The following RARB variants were observed in gnomAD, a reference collection of about 807,000 sequenced individuals.
RARB encodes the protein retinoic acid receptor beta, also known as HBV-activated protein.
RARB carries 17 observed loss-of-function variants against 51.9 expected under a neutral mutation model. That is an observed-to-expected ratio of 0.33 (90% CI 0.22 to 0.49). The LOEUF (loss-of-function observed/expected upper bound fraction) is 0.49, where lower values mean the gene tolerates loss of function less well. Ranked by LOEUF, RARB falls within the 20% of genes least tolerant of loss-of-function variation. The probability of loss-of-function intolerance (pLI) is 0.99; values close to 1 mark genes in which losing one functional copy is unlikely to be tolerated. For synonymous variants in RARB, 215 were observed against 195.4 expected, an observed-to-expected ratio of 1.10 and a Z score of -0.84; for missense variants, 369 against 550.8, an observed-to-expected ratio of 0.67 and a Z score of 3.30.
intron 3 of RARB, among the ~76,000 whole-genome samples, chr3:25,082,214 CCAGT>C (rs1699021233): frequency 6.6e-6 from 1 of 151,060 alleles, no homozygotes; most frequent in Non-Finnish European, 1.5e-5. Flanking sequence ...TTTTCTGTAT[CCAGT>C]CAGTTTATTC....
chr3:25,292,774 T>G (rs1403138625), intron 5 of RARB, among the ~76,000 whole-genome samples: 2 of 152,150 alleles, frequency 1.3e-5, no homozygotes, highest in Non-Finnish European at 2.9e-5. Context: ...GGTTTCAAAA[T>G]GGGCATGTTT....
At chr3:24,866,821 G>A (rs1366694519) in intron 2 of RARB, among the ~76,000 whole-genome samples, 1 of 152,160 alleles carries the variant, frequency 6.6e-6, no homozygotes, top group African/African-American at 2.4e-5. Flanking sequence ...GGAGAGCAGG[G>A]TTTTATTATT....
intron 5 of RARB, among the ~76,000 whole-genome samples, chr3:25,210,444 G>GT (rs1701663978): frequency 6.7e-6 from 1 of 149,344 alleles, no homozygotes; most frequent in African/African-American, 2.5e-5. Context: ...TCACTTATGT[G>GT]TTATATATGG....
At chr3:25,450,695 A>G (rs867646924) in intron 1 of RARB, among the ~76,000 whole-genome samples, 1 of 152,094 alleles carries the variant, frequency 6.6e-6, no homozygotes, top group Non-Finnish European at 1.5e-5. Flanking sequence ...CCTGGCCTCT[A>G]CCTACTAGAT....
chr3:25,471,741 G>C (rs1396149739), intron 2 of RARB, among the ~76,000 whole-genome samples: 1 of 151,962 alleles, frequency 6.6e-6, no homozygotes, highest in African/African-American at 2.4e-5. Context: ...AAAATATCTA[G>C]AACACTTTCA....
intron 5 of RARB, among the ~76,000 whole-genome samples, chr3:25,364,717 A>G (rs1383735079): frequency 6.6e-6 from 1 of 152,240 alleles, no homozygotes; most frequent in Non-Finnish European, 1.5e-5. Context: ...GCAATAGAAA[A>G]CATGAGGAAC....
intron 5 of RARB, chr3:25,259,814 C>T: frequency 2.8e-6 from 2 of 703,390 alleles, no homozygotes; most frequent in Non-Finnish European, 1.7e-6. Context: ...TCATCTTCTT[C>T]CTCAGTAAAG....
At chr3:25,260,379 C>G (rs1416364493) in intron 5 of RARB, among the ~76,000 whole-genome samples, 2 of 152,052 alleles carry the variant, frequency 1.3e-5, no homozygotes, top group Non-Finnish European at 2.9e-5. Context: ...TTGTGTTAGC[C>G]TACCATGCAT....
intron 2 of RARB, among the ~76,000 whole-genome samples, chr3:24,916,933 G>A (rs1348858584): frequency 6.6e-6 from 1 of 152,148 alleles, no homozygotes; most frequent in East Asian, 1.9e-4. Context: ...ATATTTTGCT[G>A]AGTGGAAGAA....
At chr3:25,370,865 C>T (rs1401125254) in intron 5 of RARB, among the ~76,000 whole-genome samples, 2 of 152,188 alleles carry the variant, frequency 1.3e-5, no homozygotes, top group African/African-American at 4.8e-5. Flanking sequence ...GCACTCACTC[C>T]AGAGTCTCTA....
At chr3:25,499,040 G>A (rs534802296) in intron 2 of RARB, among the ~76,000 whole-genome samples, 1 of 152,290 alleles carries the variant, frequency 6.6e-6, no homozygotes, top group Admixed American at 6.5e-5. Flanking sequence ...TGGGATATGT[G>A]ACAGGACTTG....
At chr3:25,015,793 T>G (rs1697495587) in intron 2 of RARB, among the ~76,000 whole-genome samples, 1 of 152,168 alleles carries the variant, frequency 6.6e-6, no homozygotes, top group Non-Finnish European at 1.5e-5. Flanking sequence ...GCCAAGCATT[T>G]CAAGAAGTCA....
chr3:25,193,608 T>A (rs1701157413), intron 5 of RARB, among the ~76,000 whole-genome samples: 1 of 152,074 alleles, frequency 6.6e-6, no homozygotes, highest in Non-Finnish European at 1.5e-5. Context: ...TTGTTCATTT[T>A]AGTATTTGTT....
chr3:24,984,005 T>C (rs1242485953), intron 2 of RARB, among the ~76,000 whole-genome samples: 1 of 152,200 alleles, frequency 6.6e-6, no homozygotes, highest in Non-Finnish European at 1.5e-5. Context: ...TTCTTACTAA[T>C]TCTAATTTAG....
chr3:25,118,778 A>T (rs1457320001), intron 3 of RARB, among the ~76,000 whole-genome samples: 1 of 152,150 alleles, frequency 6.6e-6, no homozygotes, highest in Admixed American at 6.5e-5. Context: ...CCCAGGCAAC[A>T]CAAGATCCTC....
intron 5 of RARB, among the ~76,000 whole-genome samples, chr3:25,401,117 A>C (rs1427418761): frequency 6.6e-6 from 1 of 152,190 alleles, no homozygotes; most frequent in African/African-American, 2.4e-5. Context: ...ATGGTGCCAG[A>C]AAGACAAAAC....
chr3:25,208,184 A>G (rs1701602777), intron 5 of RARB, among the ~76,000 whole-genome samples: 1 of 152,240 alleles, frequency 6.6e-6, no homozygotes, highest in East Asian at 1.9e-4. Context: ...TACCGCCAAC[A>G]CTGGGGATTA....
intron 2 of RARB, among the ~76,000 whole-genome samples, chr3:24,976,008 G>C (rs932081856): frequency 2.6e-5 from 4 of 152,170 alleles, no homozygotes; most frequent in Admixed American, 1.3e-4. Flanking sequence ...TTATGAGTGA[G>C]AACATGCGGT....
At chr3:25,134,906 G>T (rs913214218) in intron 4 of RARB, among the ~76,000 whole-genome samples, 4 of 151,966 alleles carry the variant, frequency 2.6e-5, no homozygotes, top group African/African-American at 9.7e-5. Flanking sequence ...TTTTCCCCAT[G>T]AGTAGATTTG....
Sources: gnomAD v4.1 joint callset for allele counts (sites outside exome capture counted in the v4.1 genomes callset) on GRCh38, gnomAD v4.1.1 for gene constraint, MANE v1.5 for transcripts, NCBI Gene and HGNC (gene_info 2026-07-23, HGNC 2026-07-21) for gene names.